Variants in SHC2 observed in about 807,000 individuals in gnomAD.
The protein encoded by SHC2 is SHC adaptor protein 2, also known as SHC-transforming protein 2.
SHC2 carries 62 observed loss-of-function variants against 60.6 expected under a neutral mutation model. The observed-to-expected ratio is 1.02, with a 90% CI of 0.83 to 1.26. The LOEUF (loss-of-function observed/expected upper bound fraction) is 1.26. SHC2 is among the 50% of genes most tolerant of loss of function. The probability of loss-of-function intolerance (pLI) is 0.00; values close to 1 mark genes in which losing one functional copy is unlikely to be tolerated. For missense variants in SHC2, 873 were observed against 822.2 expected, an observed-to-expected ratio of 1.06 and a Z score of -0.76; for synonymous variants, 375 against 372.4, an observed-to-expected ratio of 1.01 and a Z score of -0.08.
intron 1 of SHC2, among the ~76,000 whole-genome samples, chr19:458,844 G>A (rs1381381568): frequency 6.6e-6 from 1 of 151,936 alleles, no homozygotes; most frequent in African/African-American, 2.4e-5. Context: ...AGGGTTCCGG[G>A]GAGGCGGAAG....
In SHC2 at chr19:460,764, G is replaced by A. The variant is rs1252624014; in HGVS notation, c.233C>T (p.Ala78Val). ...GCGGGGCTCGCAGGCGCCCAGGACGGCGGCCGCCAGCGCCGGGACGCCCCC... is the reference window on the plus strand; with the variant it reads ...GCGGGGCTCGCAGGCGCCCAGGACGACGGCCGCCAGCGCCGGGACGCCCCC... ...GPGGVPALAAAVLGACEPRCA... is the reference protein window; with the variant it reads ...GPGGVPALAAVVLGACEPRCA... The change falls in exon 1 of 13, where the codon GCC becomes GTC. Residue 78 changes from alanine to valine, a missense_variant. Ala to Val is a moderately conservative substitution (Grantham distance 64). Coordinates refer to ENST00000264554, the MANE Select transcript of SHC2 (RefSeq NM_012435.3). 41 of 979,144 alleles carry A rather than the reference G, an allele frequency of 4.2e-5. No individual in the cohort carries two copies. The highest frequency in any genetic ancestry group is 5.0e-5 in the Non-Finnish European group (41 of 827,440). The allele number at this position is 979,144 out of a possible 1,614,324, so 60.7% of individuals were successfully genotyped here. A position where few individuals can be genotyped will look rare whatever the true frequency, so the allele number is the denominator to read the frequency against.
rs1159594704 is a variant in SHC2 at position 441,009 on chromosome 19, C to T, written c.469-77G>A. The T allele has an allele frequency of 3.6e-5, 55 of 1,549,222 alleles. No individual in the cohort carries two copies. Among genetic ancestry groups the T allele is most frequent in the Non-Finnish European group, 4.4e-5 (49 of 1,125,056 alleles). ...CACGTCCCTTTTCCCAGCAGCCCTT[C>T]GCCGCCTCCACCACCCCTGGGGTCG... On this transcript the variant is annotated intron_variant, in intron 1 of 12. Transcript: ENST00000264554. This position sits in a 1 kb window ranked among gnomAD's most constrained non-coding sequence, Gnocchi z 4.9.
At chr19:448,265 G>A (rs896145632) in intron 1 of SHC2, among the ~76,000 whole-genome samples, 5 of 152,174 alleles carry the variant, frequency 3.3e-5, no homozygotes, top group East Asian at 1.9e-4. Context: ...TGGGGGCCAC[G>A]GGAGCGGATC....
chr19:430,572 A>G (rs1468726963), intron 9 of SHC2, 112 bp downstream of exon 9: 9 of 795,768 alleles, frequency 1.1e-5, no homozygotes, highest in African/African-American at 1.0e-4. Flanking sequence ...GATCTCATAG[A>G]TTAATGTGAA....
intron 4 of SHC2, 33 bp from the exon 5 acceptor site, chr19:436,716 G>A (rs776175626): frequency 1.5e-4 from 246 of 1,592,158 alleles, no homozygotes; most frequent in Non-Finnish European, 2.0e-4. Context: ...CGGTCATGGG[G>A]GCCCCGCTTC....
rs1029593450 is a variant in SHC2, at chr19:453,129, GGA to G, written c.468+7398_468+7399del. 6.6e-6 allele frequency: 1 copy of G among 152,200 alleles called. No homozygotes were observed. The highest frequency in any genetic ancestry group is 1.5e-5 in the Non-Finnish European group (1 of 68,052). The allele number at this position is 152,200 out of a possible 1,614,324, so 9.4% of individuals were successfully genotyped here. On this transcript the variant is annotated intron_variant, in intron 1 of 12. Coordinates refer to ENST00000264554, the MANE Select transcript of SHC2 (RefSeq NM_012435.3). This position sits in a 1 kb window ranked among gnomAD's most constrained non-coding sequence, Gnocchi z 6.3. Reference sequence around the variant, plus strand: ...CAGAGGACGGCGGCACAGAAAGATGGGAGAGACTGTGGTCACACCGTCCTGAA... The same window carrying G: ...CAGAGGACGGCGGCACAGAAAGATGGGAGACTGTGGTCACACCGTCCTGAA...
rs78059776 is a variant in SHC2 at position 456,219 on chromosome 19, C to T, written c.468+4310G>A. On this transcript the variant is annotated intron_variant, in intron 1 of 12. Transcript: ENST00000264554. Reference sequence around the variant, plus strand: ...GGTGATGGGGCTTGGCTATTCCCCTCCTTAACTCAAGCTTCCCTGTGACCA... The same window carrying T: ...GGTGATGGGGCTTGGCTATTCCCCTTCTTAACTCAAGCTTCCCTGTGACCA... Among the ~76,000 whole-genome samples, 551 of 152,306 alleles carry T rather than the reference C, an allele frequency of 3.6e-3. 3 individuals are homozygous for T. Among genetic ancestry groups the T allele is most frequent in the African/African-American group, 0.013 (533 of 41,568 alleles).
chr19:446,926 G>A lies in SHC2; in HGVS notation c.469-5994C>T, dbSNP rs915397847. ...AGCCTGGGAGACCGTCCGAGTCTCC[G>A]CCACCGCCCACGCCAGCCACCGGGA... is the stretch of plus-strand genomic sequence containing the variant. On this transcript the variant is annotated intron_variant, in intron 1 of 12. Coordinates refer to ENST00000264554, the MANE Select transcript of SHC2 (RefSeq NM_012435.3). The surrounding 1 kb of genome is among the most constrained non-coding windows in gnomAD (Gnocchi z 5.4). Among the ~76,000 whole-genome samples, 1 of 152,076 alleles carries A rather than the reference G, an allele frequency of 6.6e-6. No individual in the cohort carries two copies. Among genetic ancestry groups the A allele is most frequent in the African/African-American group, 2.4e-5 (1 of 41,408 alleles).
chr19:434,747 C>T lies in SHC2; in HGVS notation c.1072G>A (p.Ala358Thr). The change falls in exon 8 of 13, where the codon GCC becomes ACC. Residue 358 changes from alanine (A) to threonine (T), a missense_variant. Physicochemically the swap from Ala to Thr is moderately conservative, Grantham distance 58. Coordinates refer to ENST00000264554, the MANE Select transcript of SHC2 (RefSeq NM_012435.3). ...PLGGLVDSRL[A>T]LTQPCALTAL... is the part of the protein sequence containing the mutation. ...GTGAGGGCGCAGGGCTGTGTCAGGGCCAGCCTGGAGTCCACTAGCCCGCCC... is the reference window on the plus strand; with the variant it reads ...GTGAGGGCGCAGGGCTGTGTCAGGGTCAGCCTGGAGTCCACTAGCCCGCCC... 1.9e-6 allele frequency: 3 copies of T among 1,612,474 alleles called. No homozygotes were observed. Among genetic ancestry groups the T allele is most frequent in the Non-Finnish European group, 2.5e-6 (3 of 1,179,702 alleles).
rs77872251 is a variant in SHC2, at chr19:446,403, C to T, written c.469-5471G>A. ...ACGACTCACTGCAACTTCCGCCTCCCGGGTTCACACCATTCTCCTGTCTCA... is the reference window on the plus strand; with the variant it reads ...ACGACTCACTGCAACTTCCGCCTCCTGGGTTCACACCATTCTCCTGTCTCA... On this transcript the variant is annotated intron_variant, in intron 1 of 12. Coordinates refer to ENST00000264554, the MANE Select transcript of SHC2 (RefSeq NM_012435.3). This position sits in a 1 kb window ranked among gnomAD's most constrained non-coding sequence, Gnocchi z 5.4. Among the ~76,000 whole-genome samples the T allele has an allele frequency of 6.6e-6, 1 of 152,118 alleles. No homozygotes were observed.
chr19:459,540 G>A (rs1446284962), intron 1 of SHC2, among the ~76,000 whole-genome samples: 1 of 143,540 alleles, frequency 7.0e-6, no homozygotes, highest in Non-Finnish European at 1.5e-5. Context: ...AGTGTAGAGG[G>A]AAGGACCCTA....
intron 1 of SHC2, among the ~76,000 whole-genome samples, chr19:452,115 G>C (rs902405807): frequency 6.6e-6 from 1 of 152,186 alleles, no homozygotes. Flanking sequence ...TGAGTTACTA[G>C]GAATCACCAC....
In SHC2 at chr19:438,093, C is replaced by A. The variant is rs1974764865; in HGVS notation, c.720+625G>T. Among the ~76,000 whole-genome samples the A allele has an allele frequency of 6.6e-6, 1 of 152,232 alleles. No homozygotes were observed. Among genetic ancestry groups the A allele is most frequent in the South Asian group, 2.1e-4 (1 of 4,832 alleles). On this transcript the variant is annotated intron_variant, in intron 4 of 12. Coordinates refer to ENST00000264554, the MANE Select transcript of SHC2 (RefSeq NM_012435.3). The surrounding 1 kb of genome is among the most constrained non-coding windows in gnomAD (Gnocchi z 5.0). ...TCCACTCCCAGGTTCAAGCGATTCT[C>A]CTGCCTCAGCCTCCCAAGTAGCTGG...
At chr19:457,489 C>T (rs1350100726) in intron 1 of SHC2, among the ~76,000 whole-genome samples, 1 of 146,942 alleles carries the variant, frequency 6.8e-6, no homozygotes, top group South Asian at 2.1e-4. Context: ...TAATATCACA[C>T]GATTTTAGCT....
intron 11 of SHC2, among the ~76,000 whole-genome samples, chr19:421,164 C>T (rs1485440558): frequency 2.7e-5 from 4 of 149,666 alleles, no homozygotes; most frequent in South Asian, 2.1e-4. Flanking sequence ...TTTGGGAGGC[C>T]GAGGCGGGTG....
intron 9 of SHC2, among the ~76,000 whole-genome samples, chr19:428,276 A>G (rs891322854): frequency 2.6e-5 from 4 of 152,218 alleles, no homozygotes; most frequent in African/African-American, 9.6e-5. Context: ...TTGAGCGGGC[A>G]ATTACTGATT....
rs980749990 is a variant in SHC2, at chr19:429,520, C to T, written c.1174+1164G>A. Among the ~76,000 whole-genome samples, 27 of 148,070 alleles carry T rather than the reference C, an allele frequency of 1.8e-4. 1 individual carries two copies. Among genetic ancestry groups the T allele is most frequent in the Non-Finnish European group, 2.7e-4 (18 of 66,918 alleles). ...CCCAACGTGCACGGAAACCTAACACCGTGTGGATGACGCAGTACCTATATC... is the reference window on the plus strand; with the variant it reads ...CCCAACGTGCACGGAAACCTAACACTGTGTGGATGACGCAGTACCTATATC... On this transcript the variant is annotated intron_variant, in intron 9 of 12. Coordinates refer to ENST00000264554, the MANE Select transcript of SHC2 (RefSeq NM_012435.3).
intron 7 of SHC2, chr19:435,678 G>C (rs1265877414): frequency 6.3e-6 from 1 of 159,958 alleles, no homozygotes; most frequent in Non-Finnish European, 1.4e-5. Context: ...CACGAGCTAA[G>C]AATGGGCTTT....
chr19:460,824 C>T lies in SHC2; in HGVS notation c.173G>A (p.Gly58Glu). ...PAAARAAGAS[G>E]GADPQPEPAG... ...CGGCTCGGGTTGGGGGTCCGCGCCC[C>T]CCGAGGCCCCAGCCGCCCGCGCCGC... is the stretch of plus-strand genomic sequence containing the variant. The change falls in exon 1 of 13, where the codon GGG becomes GAG. Residue 58 changes from glycine to glutamate, a missense_variant. By Grantham distance (98) the Gly-to-Glu change is moderately conservative (BLOSUM62 -2). Transcript: ENST00000264554. 2.0e-6 allele frequency: 2 copies of T among 982,030 alleles called. No homozygotes were observed. Among genetic ancestry groups the T allele is most frequent in the Non-Finnish European group, 2.4e-6 (2 of 829,318 alleles). The allele number at this position is 982,030 out of a possible 1,614,324, so 60.8% of individuals were successfully genotyped here. A position where few individuals can be genotyped will look rare whatever the true frequency, so the allele number is the denominator to read the frequency against.
Sources: allele counts gnomAD v4.1 joint callset (sites outside exome capture counted in the v4.1 genomes callset), GRCh38; gene constraint gnomAD v4.1.1; non-coding constraint Gnocchi (gnomAD v3.1); transcripts MANE v1.5; gene names NCBI Gene and HGNC (gene_info 2026-07-23, HGNC 2026-07-21).